The following SYT14 variants were observed in gnomAD, a reference collection of about 807,000 sequenced individuals.
The protein encoded by SYT14 is synaptotagmin-14.
Under a neutral mutation model 74.2 loss-of-function variants are expected in SYT14, and 32 were observed. The observed-to-expected ratio is 0.43, with a 90% CI of 0.33 to 0.58. The LOEUF is 0.58. Among genes scored for constraint, SYT14 ranks in the 20% least tolerant of loss-of-function variants. The pLI is 0.05. For synonymous variants in SYT14, 298 were observed against 337.7 expected (o/e 0.88, Z 1.29); for missense variants, 791 against 981.8 (o/e 0.81, Z 2.60).
At chr1:210,123,431 G>A (rs1417308807) in intron 7 of SYT14, among the ~76,000 whole-genome samples, 1 of 152,134 alleles carries the variant, frequency 6.6e-6, no homozygotes, top group African/African-American at 2.4e-5. Flanking sequence ...ATACTACCAG[G>A]TACAGCATGG....
chr1:209,942,154 C>T (rs2078741021), intron 1 of SYT14, among the ~76,000 whole-genome samples: 1 of 152,102 alleles, frequency 6.6e-6, no homozygotes, highest in Non-Finnish European at 1.5e-5. Context: ...TGCATTGTTT[C>T]GTGGAATTCT....
At chr1:210,056,552 A>T (rs1316088777) in intron 5 of SYT14, among the ~76,000 whole-genome samples, 1 of 151,692 alleles carries the variant, frequency 6.6e-6, no homozygotes, top group East Asian at 1.9e-4. Context: ...ACAGTGGCTC[A>T]TGCCTGTAAT....
Position 210,008,831 on chromosome 1 carries a change from G to T in SYT14, c.-485-4802G>T, listed in dbSNP as rs539502234. ...TCTAAGCAGATTCATAGTATACAAA[G>T]ATTTTAGGGGAAATTCTACTCCTAT... On this transcript the variant is annotated intron_variant, in intron 2 of 9. Transcript: ENST00000637265. Among the ~76,000 whole-genome samples the T allele has an allele frequency of 3.9e-5, 6 of 152,254 alleles. No homozygotes were observed. In the East Asian group the frequency reaches 1.2e-3, roughly 29 times the overall value.
chr1:209,977,724 C>T (rs1036617961), intron 2 of SYT14, among the ~76,000 whole-genome samples: 5 of 152,124 alleles, frequency 3.3e-5, no homozygotes, highest in African/African-American at 1.2e-4. Flanking sequence ...GTGGCATTCT[C>T]TGTATTTCCC....
At chr1:210,063,982 GA>G (rs2081252457) in intron 5 of SYT14, among the ~76,000 whole-genome samples, 3 of 151,842 alleles carry the variant, frequency 2.0e-5, no homozygotes, top group African/African-American at 7.2e-5. Context: ...AAGGCTAGCT[GA>G]CAATGCTTTC....
intron 2 of SYT14, among the ~76,000 whole-genome samples, chr1:209,968,666 T>C (rs1039703536): frequency 6.6e-6 from 1 of 152,120 alleles, no homozygotes; most frequent in African/African-American, 2.4e-5. Context: ...TTGGGTTCTT[T>C]TACTTAGTAA....
chr1:210,058,944 A>G (rs2081149783), intron 5 of SYT14, among the ~76,000 whole-genome samples: 1 of 152,194 alleles, frequency 6.6e-6, no homozygotes, highest in Admixed American at 6.5e-5. Context: ...AGAGGGAGGG[A>G]GTAACAAAAG....
chr1:210,045,284 A>G (rs2080864101), intron 5 of SYT14, among the ~76,000 whole-genome samples: 1 of 152,210 alleles, frequency 6.6e-6, no homozygotes, highest in Non-Finnish European at 1.5e-5. Flanking sequence ...TAATAGTGCT[A>G]AATACAAAGT....
rs2081624628 is a variant in SYT14 at position 210,081,935 on chromosome 1, A to G, written c.1313-12387A>G. 1.3e-5 allele frequency among the ~76,000 whole-genome samples: 2 copies of G among 152,206 alleles called. 1 individual carries two copies. Among genetic ancestry groups the G allele is most frequent in the South Asian group, 4.1e-4 (2 of 4,836 alleles). On this transcript the variant is annotated intron_variant, in intron 5 of 9. Coordinates refer to ENST00000637265, the Ensembl canonical transcript of SYT14. Reference sequence around the variant, plus strand: ...GAATATGATTAAGCATAGGAATTAGATTCATTTGGAAAAAAGTCATGCTGA... The same window carrying G: ...GAATATGATTAAGCATAGGAATTAGGTTCATTTGGAAAAAAGTCATGCTGA...
intron 5 of SYT14, among the ~76,000 whole-genome samples, chr1:210,029,083 A>G (rs1572181784): frequency 6.6e-6 from 1 of 152,270 alleles, no homozygotes; most frequent in African/African-American, 2.4e-5. Context: ...TTTTGGAGAA[A>G]TGTCCAAATC....
At chr1:210,007,730 A>G (rs186033944) in intron 2 of SYT14, among the ~76,000 whole-genome samples, 276 of 152,300 alleles carry the variant, frequency 1.8e-3, no homozygotes, top group African/African-American at 6.2e-3. Context: ...TACAAGGAGC[A>G]GTATTACTTG....
intron 2 of SYT14, among the ~76,000 whole-genome samples, chr1:210,006,674 C>A (rs1360704102): frequency 6.6e-6 from 1 of 151,592 alleles, no homozygotes. Context: ...TACTTTTTAT[C>A]TTTTTAAAAA....
intron 5 of SYT14, among the ~76,000 whole-genome samples, chr1:210,055,642 C>T (rs560535032): frequency 6.6e-6 from 1 of 151,500 alleles, no homozygotes; most frequent in African/African-American, 2.4e-5. Context: ...CATAATGAAA[C>T]CGCATCTCTA....
At chr1:210,122,576 T>C (rs1024459160) in intron 7 of SYT14, among the ~76,000 whole-genome samples, 19 of 152,200 alleles carry the variant, frequency 1.2e-4, no homozygotes, top group African/African-American at 4.3e-4. Flanking sequence ...ATTTTTTTTT[T>C]TTTAGGTTCC....
Position 210,020,135 on chromosome 1 carries a change from T to C in SYT14, c.1097-904T>C, listed in dbSNP as rs572867941. ...TATTTTTCAAATGGGAATATAATTA[T>C]AACTTCTACTTTTTTACCTCCTTTT... On this transcript the variant is annotated intron_variant, in intron 4 of 9. Coordinates refer to ENST00000637265, the Ensembl canonical transcript of SYT14. 2.0e-5 allele frequency among the ~76,000 whole-genome samples: 3 copies of C among 152,304 alleles called. No individual in the cohort carries two copies. The South Asian group carries it at 6.2e-4, about 32-fold the overall frequency.
chr1:210,097,727 G>A (rs963311754), intron 6 of SYT14, among the ~76,000 whole-genome samples: 6 of 152,038 alleles, frequency 3.9e-5, no homozygotes, highest in South Asian at 2.1e-4. Flanking sequence ...GCTCTAAACC[G>A]TAAATTTTTT....
exon 6 of SYT14, chr1:210,094,362 T>C: frequency 6.2e-7 from 1 of 1,613,948 alleles, no homozygotes; most frequent in Non-Finnish European, 8.5e-7. Context: ...CCCCGCTGGA[T>C]GAATTGCAGC....
At chr1:210,161,772 G>A (rs1355123442) in exon 10 of SYT14, 1 of 453,874 alleles carries the variant, frequency 2.2e-6, no homozygotes, top group Non-Finnish European at 4.4e-6. Context: ...AAGTCTTCTA[G>A]ACAGGTTGTA....
intron 2 of SYT14, among the ~76,000 whole-genome samples, chr1:209,960,473 T>G (rs754810214): frequency 6.6e-6 from 1 of 152,210 alleles, no homozygotes; most frequent in Non-Finnish European, 1.5e-5. Context: ...TTCCATGTTT[T>G]TCCTTGACTA....
Sources: gnomAD v4.1 joint callset for allele counts (sites outside exome capture counted in the v4.1 genomes callset) on GRCh38, gnomAD v4.1.1 for gene constraint, MANE v1.5 for transcripts, NCBI Gene and HGNC (gene_info 2026-07-23, HGNC 2026-07-21) for gene names.